Variants in CCDC180 observed in about 807,000 individuals in gnomAD.
CCDC180 encodes coiled-coil domain-containing protein 180.
In CCDC180, 154 loss-of-function variants were observed where a neutral mutation model predicts 209.2. That is an observed-to-expected ratio of 0.74 (90% CI 0.65 to 0.84). The LOEUF is 0.84. Ranked by LOEUF, CCDC180 falls within the 40% of genes least tolerant of loss-of-function variation. The probability of loss-of-function intolerance (pLI) is 0.00; values close to 1 mark genes in which losing one functional copy is unlikely to be tolerated. For missense variants in CCDC180, 1,874 were observed against 1,997.3 expected, an observed-to-expected ratio of 0.94 and a Z score of 1.18; for synonymous variants, 778 against 749.1, an observed-to-expected ratio of 1.04 and a Z score of -0.63.
At position 97,366,626 on chromosome 9, in the gene CCDC180, G is replaced by A; in HGVS notation, c.4115G>A (p.Cys1372Tyr). The A allele has an allele frequency of 6.2e-7, 1 of 1,614,204 alleles. No individual in the cohort carries two copies. Among genetic ancestry groups the A allele is most frequent in the Non-Finnish European group, 8.5e-7 (1 of 1,180,032 alleles). Residue 1372 changes from cysteine (C) to tyrosine (Y), a missense_variant, in exon 31 of 37, where the codon TGC becomes TAC. Cys to Tyr is a radical substitution (Grantham distance 194). Transcript: ENST00000529487. The surrounding 1 kb of genome is among the most constrained non-coding windows in gnomAD (Gnocchi z 4.3). The stretch of plus-strand genomic sequence containing the variant: ...TGCATGTGTGACACCTTTGACCAGT[G>A]CGCCGAGAACATTAGCAAAAAGATC... ...PDCMCDTFDQ[C>Y]AENISKKILE... is the part of the protein sequence containing the mutation.
chr9:97,331,356 T>C (rs1587801113), intron 18 of CCDC180, among the ~76,000 whole-genome samples: 1 of 152,362 alleles, frequency 6.6e-6, no homozygotes, highest in South Asian at 2.1e-4. Flanking sequence ...GTCTTAGCTA[T>C]TGTGAATAGT....
At chr9:97,354,150 A>G (rs148962917) in intron 22 of CCDC180, among the ~76,000 whole-genome samples, 351 of 151,998 alleles carry the variant, frequency 2.3e-3, no homozygotes, top group African/African-American at 8.0e-3. Flanking sequence ...GGCACATGCC[A>G]CCACACCTGG....
chr9:97,322,199 A>C (rs1833378904), intron 11 of CCDC180, among the ~76,000 whole-genome samples: 2 of 152,142 alleles, frequency 1.3e-5, no homozygotes, highest in African/African-American at 4.8e-5. Context: ...TCTTTTCATC[A>C]GTTCTAGCAT....
intron 16 of CCDC180, among the ~76,000 whole-genome samples, chr9:97,328,930 G>A (rs1825645886): frequency 6.6e-6 from 1 of 152,184 alleles, no homozygotes; most frequent in Non-Finnish European, 1.5e-5. Context: ...CACAATAAAT[G>A]CTCTCTGGGT....
At position 97,330,584 on chromosome 9, in the gene CCDC180, G is replaced by T; in HGVS notation, c.2091G>T (p.Gln697His). The T allele has an allele frequency of 6.2e-7, 1 of 1,614,090 alleles. No individual in the cohort carries two copies. The highest frequency in any genetic ancestry group is 8.5e-7 in the Non-Finnish European group (1 of 1,180,020). ...CTATTCAGGGACTGGAAGAAATGCA[G>T]GTTGAAAGAGAGGGCTCCTTAAACC... ...EGSIQGLEEM[Q>H]VEREGSLNPS... is the part of the protein sequence containing the mutation. Residue 697 changes from glutamine (Q) to histidine (H), a missense_variant, in exon 18 of 37, where the codon CAG (glutamine) becomes CAT (histidine). Gln to His is a conservative substitution (Grantham distance 24). Coordinates refer to ENST00000529487, the MANE Select transcript of CCDC180 (RefSeq NM_020893.6).
intron 33 of CCDC180, 156 bp from the exon 34 acceptor site, chr9:97,371,439 C>A: frequency 2.1e-6 from 1 of 482,790 alleles, no homozygotes; most frequent in Admixed American, 3.1e-5. Context: ...TGGGAGAGGC[C>A]TCCTGGCTGA....
chr9:97,338,220 C>G (rs1825968081), intron 18 of CCDC180, among the ~76,000 whole-genome samples: 1 of 152,100 alleles, frequency 6.6e-6, no homozygotes, highest in Admixed American at 6.5e-5. Context: ...AATTTGTTTG[C>G]TCTTGCTTCT....
chr9:97,363,176 C>A (rs779310429), intron 28 of CCDC180, among the ~76,000 whole-genome samples: 6 of 152,150 alleles, frequency 3.9e-5, no homozygotes, highest in African/African-American at 1.4e-4. Flanking sequence ...GGGCATCCCA[C>A]GTGATTGGTT....
chr9:97,352,744 A>C (rs558415032), intron 22 of CCDC180, among the ~76,000 whole-genome samples: 1 of 152,204 alleles, frequency 6.6e-6, no homozygotes, highest in African/African-American at 2.4e-5. Context: ...TAGAACTATA[A>C]TTTGACATGT....
rs1257136129 is a variant in CCDC180, at chr9:97,376,580, G to A, written c.4843-183G>A. 1.7e-5 allele frequency: 10 copies of A among 584,564 alleles called. 1 individual carries two copies. Among genetic ancestry groups the A allele is most frequent in the Middle Eastern group, 4.9e-4 (1 of 2,056 alleles). The allele number at this position is 584,564 out of a possible 1,614,324, so 36.2% of individuals were successfully genotyped here. On this transcript the variant is annotated intron_variant, in intron 36 of 36. Coordinates refer to ENST00000529487, the MANE Select transcript of CCDC180 (RefSeq NM_020893.6). ...CCAGGCTCTGAGCCTCAGTTTTCCT[G>A]TCTTGTAAAATGGGGAAAACAACTA...
At chr9:97,359,864 C>T (rs1826699934) in intron 25 of CCDC180, 118 bp from the exon 26 acceptor site, 2 of 1,327,494 alleles carry the variant, frequency 1.5e-6, no homozygotes, top group Non-Finnish European at 2.1e-6. Flanking sequence ...TGAGGAGCCT[C>T]CATTAAGCCA....
At position 97,347,632 on chromosome 9, in the gene CCDC180, A is replaced by G; in HGVS notation, c.2674+143A>G. The G allele has an allele frequency of 5.1e-6, 4 of 789,814 alleles. No homozygotes were observed. The Admixed American group carries it at 9.1e-5, about 18-fold the overall frequency. 48.9% of individuals were successfully genotyped at this position (789,814 alleles called of 1,614,324 possible). A position where few individuals can be genotyped will look rare whatever the true frequency, so the allele number is the denominator to read the frequency against. On this transcript the variant is annotated intron_variant, in intron 20 of 36. Coordinates refer to ENST00000529487, the MANE Select transcript of CCDC180 (RefSeq NM_020893.6). ...TCTCATCACACCATGGAAGATGTAC[A>G]TGAGGGTTCGCACCTCTGAGGCTTG...
chr9:97,347,971 C>G (rs1826317770), intron 20 of CCDC180, among the ~76,000 whole-genome samples: 1 of 152,102 alleles, frequency 6.6e-6, no homozygotes, highest in African/African-American at 2.4e-5. Flanking sequence ...GGTGATAAAC[C>G]CTTTTAAAAT....
intron 20 of CCDC180, among the ~76,000 whole-genome samples, chr9:97,348,603 G>A (rs1390416955): frequency 3.3e-5 from 5 of 152,090 alleles, no homozygotes; most frequent in Non-Finnish European, 5.9e-5. Context: ...GGTCGGGGGG[G>A]TCTAGGGACT....
In CCDC180 at chr9:97,330,391, T is replaced by C. The variant is rs1490522711; in HGVS notation, c.1898T>C (p.Met633Thr). 4 of 1,613,968 alleles carry C rather than the reference T, an allele frequency of 2.5e-6. No individual in the cohort carries two copies. Among genetic ancestry groups the C allele is most frequent in the Non-Finnish European group, 8.5e-7 (1 of 1,180,016 alleles). Residue 633 changes from methionine (M) to threonine (T), a missense_variant, in exon 18 of 37, where the codon ATG (methionine) becomes ACG (threonine). Coordinates refer to ENST00000529487, the MANE Select transcript of CCDC180 (RefSeq NM_020893.6). ...AAGAAGCAAGGGTCTAAAGAGGACA[T>C]GACCAGAAGTGAGGAAAGCATAAGT... ...LRKKQGSKED[M>T]TRSEESISSG...
At position 97,323,904 on chromosome 9, in the gene CCDC180, G is replaced by A. The variant is rs746173719; in HGVS notation, c.1371+1G>A. The A allele has an allele frequency of 1.4e-5, 21 of 1,553,060 alleles. No individual in the cohort carries two copies. The highest frequency in any genetic ancestry group is 2.4e-5 in the South Asian group (2 of 84,136). ...GGAGGAGGACCTGGAGCTCTTGGACGTGCGTGCTGGGGACTGTTCCACTGG... is the reference window on the plus strand; with the variant it reads ...GGAGGAGGACCTGGAGCTCTTGGACATGCGTGCTGGGGACTGTTCCACTGG... On this transcript the variant is annotated splice_donor_variant, in intron 13 of 36. Transcript: ENST00000529487. LOFTEE classifies it high-confidence loss of function.
At chr9:97,323,691 C>A in intron 12 of CCDC180, 90 bp from the exon 13 acceptor site, 1 of 1,423,552 alleles carries the variant, frequency 7.0e-7, no homozygotes, top group Non-Finnish European at 9.4e-7. Context: ...TCAGGTCTGA[C>A]TTGTGCAACG....
At chr9:97,314,816 G>A (rs2118555424) in intron 7 of CCDC180, 35 bp from the exon 8 acceptor site, 1 of 1,600,392 alleles carries the variant, frequency 6.2e-7, no homozygotes, top group Non-Finnish European at 8.6e-7. Context: ...TCTCCAGGAA[G>A]TGAGCCACTA....
chr9:97,348,850 A>G (rs758093466), intron 20 of CCDC180, among the ~76,000 whole-genome samples: 41 of 152,072 alleles, frequency 2.7e-4, no homozygotes, highest in Non-Finnish European at 3.5e-4. Context: ...GCTGCTTCCC[A>G]GACTCTCCAT....
Sources: gnomAD v4.1 joint callset for allele counts (sites outside exome capture counted in the v4.1 genomes callset) on GRCh38, gnomAD v4.1.1 for gene constraint, Gnocchi (gnomAD v3.1) non-coding constraint, MANE v1.5 for transcripts, NCBI Gene and HGNC (gene_info 2026-07-23, HGNC 2026-07-21) for gene names.